CHM: variants seen among roughly 807,000 people sequenced by gnomAD.
CHM encodes rab proteins geranylgeranyltransferase component A 1.
In CHM, 10 loss-of-function variants were observed where a neutral mutation model predicts 49.0. The ratio of observed to expected loss-of-function variants is 0.20; its 90% CI spans 0.13 to 0.35. The LOEUF is 0.35. Ranked by LOEUF, CHM falls within the 10% of genes least tolerant of loss-of-function variation. The pLI, the probability that CHM is intolerant of heterozygous loss-of-function variation, is 1.00. For synonymous variants in CHM, 184 were observed against 167.5 expected (o/e 1.10, Z -0.76); for missense variants, 455 against 478.4 (o/e 0.95, Z 0.46).
intron 9 of CHM, among the ~76,000 whole-genome samples, chrX:85,909,903 A>G (rs1603247340): frequency 8.9e-6 from 1 of 112,021 alleles, no homozygotes; most frequent in Non-Finnish European, 1.9e-5. Context: ...GAATGCACAA[A>G]GAAAAATGAT....
At chrX:85,921,634 T>C (rs1927791006) in intron 8 of CHM, among the ~76,000 whole-genome samples, 1 of 112,133 alleles carries the variant, frequency 8.9e-6, no homozygotes, top group African/African-American at 3.2e-5. Context: ...TGTGCTTTAG[T>C]GACACCCCAG....
chrX:85,952,668 T>C (rs1929807627), intron 8 of CHM, among the ~76,000 whole-genome samples: 2 of 112,775 alleles, frequency 1.8e-5, no homozygotes, highest in Non-Finnish European at 3.7e-5. Flanking sequence ...AAAAGACTTC[T>C]GTTTGAGAAA....
intron 8 of CHM, among the ~76,000 whole-genome samples, chrX:85,932,563 T>C (rs1217962554): frequency 8.9e-6 from 1 of 112,175 alleles, no homozygotes; most frequent in Non-Finnish European, 1.9e-5. Flanking sequence ...TATAAAAACA[T>C]ATGACAAAAC....
chrX:86,001,681 C>T (rs1932726824), intron 2 of CHM, among the ~76,000 whole-genome samples: 1 of 110,485 alleles, frequency 9.1e-6, no homozygotes, highest in South Asian at 3.9e-4. Context: ...GGTGCTAAAT[C>T]ATTCACGAGG....
intron 2 of CHM, among the ~76,000 whole-genome samples, chrX:86,005,055 C>G (rs1932823728): frequency 8.9e-6 from 1 of 112,187 alleles, no homozygotes; most frequent in Non-Finnish European, 1.9e-5. Flanking sequence ...GAAATCACAA[C>G]AAACTGTCTC....
In CHM at chrX:86,043,875, G is replaced by A. The variant is rs186637619; in HGVS notation, c.49+3609C>T. ...ATAGAGTAATGGGGATTACAGGCCC[G>A]TGCCACCATGCTTGGCTAACAATAA... On this transcript the variant is annotated intron_variant, in intron 1 of 14. Transcript: ENST00000357749. Among the ~76,000 whole-genome samples the A allele has an allele frequency of 4.8e-4, 53 of 110,904 alleles. 1 individual carries two copies. Among genetic ancestry groups the A allele is most frequent in the Middle Eastern group, 9.3e-3 (2 of 214 alleles).
chrX:86,034,270 T>A (rs968115368), intron 1 of CHM, among the ~76,000 whole-genome samples: 6 of 111,725 alleles, frequency 5.4e-5, no homozygotes, highest in African/African-American at 2.0e-4. Flanking sequence ...GAGCAAATGA[T>A]AAAGTGAAAG....
At chrX:85,956,128 A>T in intron 8 of CHM, 25 bp downstream of exon 8, 2 of 1,161,649 alleles carry the variant, frequency 1.7e-6, no homozygotes, top group Non-Finnish European at 2.4e-6. Context: ...TTTAGAAGGG[A>T]CAAGAAAATC....
At chrX:85,923,425 C>G (rs890054508) in intron 8 of CHM, among the ~76,000 whole-genome samples, 37 of 112,255 alleles carry the variant, frequency 3.3e-4, no homozygotes, top group African/African-American at 1.0e-3. Context: ...AGTCCACCTC[C>G]AGGTGTTCAA....
intron 1 of CHM, among the ~76,000 whole-genome samples, chrX:86,041,084 G>GT (rs1369053667): frequency 8.9e-6 from 1 of 111,930 alleles, no homozygotes; most frequent in Non-Finnish European, 1.9e-5. Context: ...ACATGAGAAT[G>GT]TAATGGTGGG....
intron 2 of CHM, among the ~76,000 whole-genome samples, chrX:85,997,018 G>A (rs1380091993): frequency 1.8e-5 from 2 of 111,888 alleles, no homozygotes; most frequent in East Asian, 5.6e-4. Context: ...AGCATCTTTG[G>A]AGAAAGGCAC....
chrX:86,021,039 T>C (rs1449558407), intron 2 of CHM, among the ~76,000 whole-genome samples: 3 of 97,844 alleles, frequency 3.1e-5, no homozygotes, highest in Admixed American at 2.3e-4. Flanking sequence ...CACACATATA[T>C]ATACACATAT....
chrX:85,896,139 CAA>C (rs148920305), intron 11 of CHM, among the ~76,000 whole-genome samples: 5 of 46,321 alleles, frequency 1.1e-4, no homozygotes, highest in Admixed American at 2.8e-4. Context: ...CTGCACAACT[CAA>C]AAAAAAAAAA....
At chrX:85,909,362 T>C (rs1010901404) in intron 9 of CHM, among the ~76,000 whole-genome samples, 1 of 111,323 alleles carries the variant, frequency 9.0e-6, no homozygotes, top group African/African-American at 3.3e-5. Context: ...AATTTTACCT[T>C]ACAGATCAGT....
At chrX:85,900,041 A>G (rs764694836) in intron 11 of CHM, among the ~76,000 whole-genome samples, 4 of 111,598 alleles carry the variant, frequency 3.6e-5, no homozygotes, top group Non-Finnish European at 7.5e-5. Flanking sequence ...GAATTATCCT[A>G]TGATCCACCA....
rs1219677231 is a variant in CHM at position 85,911,129 on chromosome X, G to GTGTGTGTGTATATA, written c.1244+131_1244+132insTATATACACACACA. 4.3e-4 allele frequency: 3 copies of GTGTGTGTGTATATA among 6,905 alleles called. 1 individual carries two copies. The highest frequency in any genetic ancestry group is 0.012 in the Admixed American group (2 of 170). The allele number at this position is 6,905 out of a possible 1,213,427, so 0.6% of individuals were successfully genotyped here. A position where few individuals can be genotyped will look rare whatever the true frequency, so the allele number is the denominator to read the frequency against. ...GTTTGGGATATGTGTGTGTGTATAT[G>GTGTGTGTGTATATA]TATATATATATATATATATATATAT... is the stretch of plus-strand genomic sequence containing the variant. On this transcript the variant is annotated intron_variant, in intron 9 of 14. Transcript: ENST00000357749.
intron 4 of CHM, among the ~76,000 whole-genome samples, chrX:85,964,393 CACCTAAATTACCCTCAATTTAGGTAATT>C (rs771172223): frequency 3.0e-3 from 329 of 109,855 alleles, no homozygotes; most frequent in Middle Eastern, 4.6e-3. Context: ...TCTCTGAGAC[CACCTAAATTACCCTCAATTTAGGTAATT>C]ACCTAAATTA....
chrX:85,868,731 C>A (rs770401959), intron 14 of CHM, among the ~76,000 whole-genome samples: 1 of 111,521 alleles, frequency 9.0e-6, no homozygotes, highest in East Asian at 2.8e-4. Context: ...TAATCCATCT[C>A]CATGCCATCC....
rs184300999 is a variant in CHM, at chrX:85,899,880, G to A, written c.1413+766C>T. The stretch of plus-strand genomic sequence containing the variant: ...ATGAGGTTTCATCTCACACCTGTTA[G>A]GATGGCTATTATTAACAAGACAAGA... On this transcript the variant is annotated intron_variant, in intron 11 of 14. Coordinates refer to ENST00000357749, the MANE Select transcript of CHM (RefSeq NM_000390.4). Among the ~76,000 whole-genome samples the A allele has an allele frequency of 4.5e-3, 501 of 110,564 alleles. 2 individuals carry two copies. The highest frequency in any genetic ancestry group is 6.7e-3 in the Non-Finnish European group (352 of 52,786).
Sources: gnomAD v4.1 joint callset for allele counts (sites outside exome capture counted in the v4.1 genomes callset) on GRCh38, gnomAD v4.1.1 for gene constraint, MANE v1.5 for transcripts, NCBI Gene and HGNC (gene_info 2026-07-23, HGNC 2026-07-21) for gene names.